Variants in PPFIBP1 observed in about 807,000 individuals in gnomAD.
The protein encoded by PPFIBP1 is PPFIB scaffold protein 1, also known as liprin-beta-1.
A neutral mutation model predicts 137.8 loss-of-function variants in PPFIBP1; 112 were observed. That is an observed-to-expected ratio of 0.81 (90% CI 0.70 to 0.95). PPFIBP1 has a LOEUF of 0.95. PPFIBP1 is among the 40% of genes least tolerant of loss of function. PPFIBP1 has a pLI of 0.00. For missense variants in PPFIBP1, 1,083 were observed against 1,196.6 expected (o/e 0.91, Z 1.40); for synonymous variants, 378 against 417.3 (o/e 0.91, Z 1.15).
At chr12:27,627,183 C>T (rs2056890183) in intron 2 of PPFIBP1, among the ~76,000 whole-genome samples, 1 of 152,096 alleles carries the variant, frequency 6.6e-6, no homozygotes, top group Non-Finnish European at 1.5e-5. Flanking sequence ...GTTGTGCTAG[C>T]AAATATGATG....
chr12:27,532,239 C>T (rs1351910348), intron 1 of PPFIBP1, among the ~76,000 whole-genome samples: 2 of 152,084 alleles, frequency 1.3e-5, no homozygotes, highest in Non-Finnish European at 2.9e-5. Context: ...GAGATGGGGG[C>T]AGAAAGAGAT....
At chr12:27,623,183 T>C (rs1273267180) in intron 2 of PPFIBP1, among the ~76,000 whole-genome samples, 1 of 152,080 alleles carries the variant, frequency 6.6e-6, no homozygotes, top group Non-Finnish European at 1.5e-5. Flanking sequence ...AAGAATGAGG[T>C]TAGAGTTAGA....
At chr12:27,632,552 A>G (rs1318691309) in intron 2 of PPFIBP1, among the ~76,000 whole-genome samples, 4 of 152,224 alleles carry the variant, frequency 2.6e-5, no homozygotes, top group Non-Finnish European at 4.4e-5. Flanking sequence ...GTAGATTGTG[A>G]TGTAATTTCA....
At chr12:27,691,084 C>T (rs894164447) in intron 27 of PPFIBP1, among the ~76,000 whole-genome samples, 4 of 149,624 alleles carry the variant, frequency 2.7e-5, no homozygotes, top group African/African-American at 9.9e-5. Flanking sequence ...CTAAGTATCA[C>T]TGATGTTTCC....
chr12:27,635,446 G>T, intron 4 of PPFIBP1: 1 of 455,976 alleles, frequency 2.2e-6, no homozygotes, highest in Non-Finnish European at 3.9e-6. Context: ...TGATTTCTCA[G>T]TCATATTGGG....
At chr12:27,657,402 GA>G (rs1202833524) in intron 9 of PPFIBP1, among the ~76,000 whole-genome samples, 6 of 151,330 alleles carry the variant, frequency 4.0e-5, no homozygotes, top group Admixed American at 2.6e-4. Flanking sequence ...CATAATATCT[GA>G]CAACACTAGG....
chr12:27,558,484 A>ACG, intron 1 of PPFIBP1, among the ~76,000 whole-genome samples: 1 of 112,866 alleles, frequency 8.9e-6, no homozygotes, highest in Non-Finnish European at 1.9e-5. Context: ...ACACACACAC[A>ACG]CACACACACA....
At chr12:27,692,108 A>G (rs769788201) in intron 28 of PPFIBP1, among the ~76,000 whole-genome samples, 180 bp downstream of exon 28, 1 of 152,232 alleles carries the variant, frequency 6.6e-6, no homozygotes, top group Non-Finnish European at 1.5e-5. Flanking sequence ...CACTTAATGC[A>G]TACTATGTTT....
Position 27,635,127 on chromosome 12 carries a change from C to CT in PPFIBP1, c.270+13dup. Reference sequence around the variant, plus strand: ...TTCAGAGTCAAATGGTAGGGTCTGCCTGTTCCAAATTCTGTTATAAATCCT... The same window carrying CT: ...TTCAGAGTCAAATGGTAGGGTCTGCCTTGTTCCAAATTCTGTTATAAATCCT... On this transcript the variant is annotated intron_variant, in intron 4 of 29. Coordinates refer to ENST00000228425, the MANE Select transcript of PPFIBP1 (RefSeq NM_003622.4). The CT allele has an allele frequency of 6.2e-7, 1 of 1,613,374 alleles. No homozygotes were observed. The highest frequency in any genetic ancestry group is 1.1e-5 in the South Asian group (1 of 91,068).
At chr12:27,667,401 A>G (rs1288307280) in intron 13 of PPFIBP1, 81 bp downstream of exon 13, 1 of 1,230,352 alleles carries the variant, frequency 8.1e-7, no homozygotes, top group East Asian at 2.7e-5. Flanking sequence ...ATAACATGAA[A>G]AACATGGGTT....
At position 27,545,906 on chromosome 12, in the gene PPFIBP1, C is replaced by T. The variant is rs573442307; in HGVS notation, c.-124+21541C>T. On this transcript the variant is annotated intron_variant, in intron 1 of 29. Coordinates refer to ENST00000228425, the MANE Select transcript of PPFIBP1 (RefSeq NM_003622.4). The stretch of plus-strand genomic sequence containing the variant: ...CCAGATTAGTCAGAGATGTTGGACA[C>T]GGTAGTCGTATAACTTGATCCCCTC... 4.6e-5 allele frequency among the ~76,000 whole-genome samples: 7 copies of T among 152,320 alleles called. No homozygotes were observed. The South Asian group carries it at 1.2e-3, about 27-fold the overall frequency.
intron 3 of PPFIBP1, 145 bp downstream of exon 3, chr12:27,633,605 C>T: frequency 4.6e-6 from 3 of 656,014 alleles, no homozygotes; most frequent in Non-Finnish European, 5.0e-6. Context: ...ATCTTTGTTC[C>T]TCTTCTCCAT....
At chr12:27,652,608 A>C (rs535974662) in intron 7 of PPFIBP1, among the ~76,000 whole-genome samples, 23 of 152,304 alleles carry the variant, frequency 1.5e-4, no homozygotes, top group Admixed American at 5.2e-4. Context: ...TATTTAAAGT[A>C]TTGCCATGAA....
intron 1 of PPFIBP1, among the ~76,000 whole-genome samples, chr12:27,528,019 C>A (rs1271387381): frequency 6.6e-6 from 1 of 152,024 alleles, no homozygotes; most frequent in Non-Finnish European, 1.5e-5. Flanking sequence ...CGTGATCTTG[C>A]CTCGCTGCAA....
chr12:27,661,518 C>T (rs1055416575), intron 11 of PPFIBP1, among the ~76,000 whole-genome samples: 5 of 152,176 alleles, frequency 3.3e-5, no homozygotes, highest in African/African-American at 1.2e-4. Flanking sequence ...TGTGATGTTT[C>T]GTCCTGCTAA....
At chr12:27,604,786 C>G (rs2054345849) in intron 2 of PPFIBP1, among the ~76,000 whole-genome samples, 1 of 152,128 alleles carries the variant, frequency 6.6e-6, no homozygotes, top group African/African-American at 2.4e-5. Flanking sequence ...TAAAGACACA[C>G]CCGAGACTGG....
chr12:27,615,220 A>T (rs1213482792), intron 2 of PPFIBP1, among the ~76,000 whole-genome samples: 1 of 152,222 alleles, frequency 6.6e-6, no homozygotes, highest in Non-Finnish European at 1.5e-5. Flanking sequence ...CCAGGAAATT[A>T]TACAAGTTAT....
At chr12:27,618,498 G>C (rs1399044293) in intron 2 of PPFIBP1, among the ~76,000 whole-genome samples, 1 of 152,154 alleles carries the variant, frequency 6.6e-6, no homozygotes, top group Non-Finnish European at 1.5e-5. Flanking sequence ...TCTTAACCCA[G>C]ACATCCCTTT....
intron 2 of PPFIBP1, among the ~76,000 whole-genome samples, chr12:27,625,154 T>TG (rs2056704544): frequency 6.6e-6 from 1 of 151,842 alleles, no homozygotes; most frequent in African/African-American, 2.4e-5. Flanking sequence ...GAGGCTGAGA[T>TG]GGGGGGATTG....
Sources: allele counts gnomAD v4.1 joint callset (sites outside exome capture counted in the v4.1 genomes callset), GRCh38; gene constraint gnomAD v4.1.1; transcripts MANE v1.5; gene names NCBI Gene and HGNC (gene_info 2026-07-23, HGNC 2026-07-21).